Variants in ACSL1 observed in about 807,000 individuals in gnomAD.
ACSL1 encodes the protein long-chain-fatty-acid--CoA ligase 1.
A neutral mutation model predicts 98.4 loss-of-function variants in ACSL1; 41 were observed. That is an observed-to-expected ratio of 0.42 (90% CI 0.32 to 0.54). ACSL1 has a LOEUF of 0.54. ACSL1 is among the 20% of genes least tolerant of loss of function. The pLI is 0.13. For missense variants in ACSL1, 734 were observed against 883.1 expected (o/e 0.83, Z 2.14); for synonymous variants, 316 against 322.7 (o/e 0.98, Z 0.22).
chr4:184,773,029 C>G lies in ACSL1; in HGVS notation c.915+52G>C. On this transcript the variant is annotated intron_variant, in intron 10 of 20. Coordinates refer to ENST00000281455, the MANE Select transcript of ACSL1 (RefSeq NM_001995.5). The surrounding 1 kb of genome is among the most constrained non-coding windows in gnomAD (Gnocchi z 4.3). Reference sequence around the variant, plus strand: ...TGCCCACCTTCAGCACTTTCATTCTCAAGGACTAATGTCAATCAATGAGGA... The same window carrying G: ...TGCCCACCTTCAGCACTTTCATTCTGAAGGACTAATGTCAATCAATGAGGA... 6.4e-7 allele frequency: 1 copy of G among 1,554,926 alleles called. No individual in the cohort carries two copies.
chr4:184,826,320 G>C (rs1469238121), upstream of ACSL1, among the ~76,000 whole-genome samples: 1 of 152,162 alleles, frequency 6.6e-6, no homozygotes, highest in Non-Finnish European at 1.5e-5. Context: ...CAGAGGCCCC[G>C]CGGACCCTGG....
In ACSL1 at chr4:184,766,048, C is replaced by G; in HGVS notation, c.1264-62G>C. 6.5e-7 allele frequency: 1 copy of G among 1,539,278 alleles called. No homozygotes were observed. Among genetic ancestry groups the G allele is most frequent in the South Asian group, 1.1e-5 (1 of 87,150 alleles). ...CACACCTGGAAGTCGGCGGCCTCTC[C>G]GCCAAGGGGGCCTGCTTGGGACCCC... On this transcript the variant is annotated intron_variant, in intron 13 of 20. Coordinates refer to ENST00000281455, the MANE Select transcript of ACSL1 (RefSeq NM_001995.5). The surrounding 1 kb of genome is among the most constrained non-coding windows in gnomAD (Gnocchi z 4.8).
At chr4:184,812,178 C>G in intron 1 of ACSL1, 8 of 985,086 alleles carry the variant, frequency 8.1e-6, no homozygotes, top group Non-Finnish European at 9.6e-6. Flanking sequence ...GTACTTAGTA[C>G]CTATGTAGAT....
chr4:184,797,972 C>T (rs56292771), intron 2 of ACSL1, among the ~76,000 whole-genome samples: 15,372 of 152,220 alleles, frequency 0.1, 943 homozygotes, highest in Non-Finnish European at 0.14. Flanking sequence ...TAAAGCAAGT[C>T]GCTAACCATA....
chr4:184,824,228 C>T (rs551846378), intron 1 of ACSL1, among the ~76,000 whole-genome samples: 1 of 152,228 alleles, frequency 6.6e-6, no homozygotes, highest in Non-Finnish European at 1.5e-5. Context: ...TGAGTTCAAG[C>T]GATTCTCCTG....
chr4:184,782,393 G>T (rs1038823978), intron 4 of ACSL1, among the ~76,000 whole-genome samples: 1 of 150,998 alleles, frequency 6.6e-6, no homozygotes, highest in African/African-American at 2.4e-5. Flanking sequence ...ATCTTCACCT[G>T]CTTCCAAATG....
At chr4:184,794,129 C>T (rs550290001) in intron 2 of ACSL1, among the ~76,000 whole-genome samples, 46 of 152,316 alleles carry the variant, frequency 3.0e-4, no homozygotes, top group Middle Eastern at 3.4e-3. Context: ...GAGCGCCAAC[C>T]GCGTCCTTCT....
Position 184,760,392 on chromosome 4 carries a change from C to T in ACSL1, c.1747G>A (p.Val583Ile). The T allele has an allele frequency of 1.2e-6, 2 of 1,614,216 alleles. No individual in the cohort carries two copies. Among genetic ancestry groups the T allele is most frequent in the Non-Finnish European group, 1.7e-6 (2 of 1,180,024 alleles). Residue 583 changes from valine to isoleucine, a missense_variant, in exon 18 of 21, where the codon GTT becomes ATT. Physicochemically the swap from Val to Ile is conservative, Grantham distance 29. Transcript: ENST00000281455. ...IENIYMRSEP[V>I]AQVFVHGESL... ...TCTCCGTGGACAAACACCTGAGCAA[C>T]AGGCTCACTTCGCATGTAGATATTT...
intron 1 of ACSL1, among the ~76,000 whole-genome samples, chr4:184,822,879 A>G (rs1773176509): frequency 6.6e-6 from 1 of 152,246 alleles, no homozygotes; most frequent in African/African-American, 2.4e-5. Flanking sequence ...ATGCATTGAC[A>G]TTCAGCATTT....
At chr4:184,814,717 C>T (rs779379737) in intron 1 of ACSL1, among the ~76,000 whole-genome samples, 9 of 152,076 alleles carry the variant, frequency 5.9e-5, no homozygotes, top group Non-Finnish European at 1.3e-4. Context: ...ATGTATTTCC[C>T]ACCTGCTCCA....
chr4:184,794,800 C>G (rs944386787), intron 2 of ACSL1, among the ~76,000 whole-genome samples: 2 of 152,154 alleles, frequency 1.3e-5, no homozygotes, highest in African/African-American at 2.4e-5. Flanking sequence ...GAGGCGGGGT[C>G]CAGGTCACCT....
At chr4:184,788,058 C>T (rs1767705485) in intron 3 of ACSL1, among the ~76,000 whole-genome samples, 1 of 152,082 alleles carries the variant, frequency 6.6e-6, no homozygotes, top group Non-Finnish European at 1.5e-5. Flanking sequence ...CAGAGGTAGT[C>T]GTGGCTCTGC....
At chr4:184,758,337 T>C (rs1046462793) in intron 18 of ACSL1, 11 of 177,824 alleles carry the variant, frequency 6.2e-5, no homozygotes, top group Non-Finnish European at 1.2e-4. Context: ...TGGGGATCAC[T>C]TGAGGCCAGG....
chr4:184,775,339 C>A (rs1343689309), intron 7 of ACSL1, among the ~76,000 whole-genome samples: 1 of 151,920 alleles, frequency 6.6e-6, no homozygotes, highest in Non-Finnish European at 1.5e-5. Context: ...AATCTTCAAT[C>A]AACTAAATAA....
rs1349631148 is a variant in ACSL1, at chr4:184,776,954, A to C, written c.507T>G (p.Ala169=). The part of the protein sequence containing the change: ...EWVIIEQGCF[A]YSMVIVPLYD... ...AAAGTGGAACGATCACCATCGAATA[A>C]GCAAAGCATCCTTGTTCAATAATCA... Residue 169 remains alanine, a synonymous_variant, in exon 6 of 21, where the codon GCT becomes GCG. Transcript: ENST00000281455. 1.2e-6 allele frequency: 2 copies of C among 1,614,208 alleles called. No homozygotes were observed. The highest frequency in any genetic ancestry group is 1.7e-6 in the Non-Finnish European group (2 of 1,180,034).
chr4:184,812,280 A>G, intron 1 of ACSL1: 1 of 953,730 alleles, frequency 1.0e-6, no homozygotes, highest in Non-Finnish European at 1.2e-6. Context: ...CAGGTGCTTA[A>G]CAAACATCTA....
chr4:184,824,347 G>A lies in ACSL1; in HGVS notation c.-33+1569C>T, dbSNP rs567639882. 7.6e-4 allele frequency among the ~76,000 whole-genome samples: 116 copies of A among 151,896 alleles called. 1 individual carries two copies. Among genetic ancestry groups the A allele is most frequent in the Admixed American group, 2.2e-3 (33 of 15,238 alleles). On this transcript the variant is annotated intron_variant, in intron 1 of 20. Transcript: ENST00000281455. ...TCTCCATGTTGGTCAGGCTGGTCTC[G>A]AACTCCTGACCTCAAATGATCTGCC...
chr4:184,809,362 C>T (rs969176991), intron 1 of ACSL1, among the ~76,000 whole-genome samples: 3 of 152,162 alleles, frequency 2.0e-5, no homozygotes, highest in Non-Finnish European at 2.9e-5. Flanking sequence ...ATCTCAAACA[C>T]AATATGTCGA....
At chr4:184,793,081 C>A (rs1402575788) in intron 2 of ACSL1, among the ~76,000 whole-genome samples, 1 of 152,000 alleles carries the variant, frequency 6.6e-6, no homozygotes, top group Non-Finnish European at 1.5e-5. Flanking sequence ...AAGCAGACAA[C>A]CCCAGCTGAA....
Sources: gnomAD v4.1 joint callset for allele counts (sites outside exome capture counted in the v4.1 genomes callset) on GRCh38, gnomAD v4.1.1 for gene constraint, Gnocchi (gnomAD v3.1) non-coding constraint, MANE v1.5 for transcripts, NCBI Gene and HGNC (gene_info 2026-07-23, HGNC 2026-07-21) for gene names.